The following MLIP variants were observed in gnomAD, a reference collection of about 807,000 sequenced individuals.
MLIP encodes the protein muscular LMNA-interacting protein.
MLIP carries 79 observed loss-of-function variants against 84.8 expected under a neutral mutation model. The ratio of observed to expected loss-of-function variants is 0.93; its 90% confidence interval spans 0.78 to 1.12. The LOEUF is 1.12. MLIP is among the 50% of genes most tolerant of loss of function. MLIP has a pLI of 0.00. For missense variants in MLIP, 1,257 were observed against 1,160.6 expected (o/e 1.08, Z -1.21); for synonymous variants, 504 against 463.0 (o/e 1.09, Z -1.14).
intron 12 of MLIP, among the ~76,000 whole-genome samples, chr6:54,250,927 T>A (rs1782432528): frequency 6.6e-6 from 1 of 152,054 alleles, no homozygotes; most frequent in Admixed American, 6.6e-5. Flanking sequence ...TAACACATTA[T>A]TTTGTGTTTG....
At chr6:54,158,681 T>C (rs1358067736) in intron 5 of MLIP, among the ~76,000 whole-genome samples, 1 of 152,052 alleles carries the variant, frequency 6.6e-6, no homozygotes, top group Admixed American at 6.6e-5. Flanking sequence ...TTTGTGTGTG[T>C]TCAACCCAGT....
chr6:54,091,153 GA>G (rs541206798), intron 1 of MLIP, among the ~76,000 whole-genome samples: 20 of 152,114 alleles, frequency 1.3e-4, no homozygotes, highest in Admixed American at 2.0e-4. Flanking sequence ...ACCCTGGGGG[GA>G]AAAAATCACC....
intron 5 of MLIP, among the ~76,000 whole-genome samples, chr6:54,149,607 G>A (rs779506501): frequency 6.6e-6 from 1 of 152,058 alleles, no homozygotes; most frequent in Non-Finnish European, 1.5e-5. Flanking sequence ...TTATAGCTGA[G>A]TATTCAACTT....
At chr6:54,210,731 A>G (rs1184242032) in intron 11 of MLIP, among the ~76,000 whole-genome samples, 1 of 950 alleles carries the variant, frequency 1.1e-3, no homozygotes, top group African/African-American at 1.2e-3. Flanking sequence ...CAACGGAGGG[A>G]AAAAAAAAAA....
At chr6:54,192,921 C>T (rs1778046858) in intron 10 of MLIP, among the ~76,000 whole-genome samples, 1 of 152,160 alleles carries the variant, frequency 6.6e-6, no homozygotes, top group Non-Finnish European at 1.5e-5. Context: ...TATGGTACCA[C>T]AAGCTTAATG....
chr6:54,052,378 T>C (rs1765425689), intron 1 of MLIP, among the ~76,000 whole-genome samples: 1 of 152,206 alleles, frequency 6.6e-6, no homozygotes, highest in Non-Finnish European at 1.5e-5. Context: ...GTCTACCTGT[T>C]GTTCAACCAT....
intron 12 of MLIP, among the ~76,000 whole-genome samples, chr6:54,232,336 T>C (rs952732386): frequency 6.6e-6 from 1 of 152,170 alleles, no homozygotes; most frequent in Admixed American, 6.6e-5. Flanking sequence ...TCTGGAACTG[T>C]TCAGCAAGGA....
rs3996971 is a variant in MLIP at position 54,168,853 on chromosome 6, C to CTTTTTT, written c.2500-659_2500-654dup. On this transcript the variant is annotated intron_variant, in intron 8 of 13. Coordinates refer to ENST00000502396, the MANE Select transcript of MLIP (RefSeq NM_001281747.2). ...GGTAAGGTCAATTTAGGGTTGAGGT[C>CTTTTTT]TTTTTTTTTTTTTTTTTTTTTGTAA... Among the ~76,000 whole-genome samples, 7 of 118,824 alleles carry CTTTTTT rather than the reference C, an allele frequency of 5.9e-5. 1 individual carries two copies. The highest frequency in any genetic ancestry group is 2.8e-4 in the East Asian group (1 of 3,628). 78.0% of individuals were successfully genotyped at this position (118,824 alleles called of 152,430 possible).
At chr6:54,022,948 A>G (rs1311501182) in intron 1 of MLIP, among the ~76,000 whole-genome samples, 1 of 152,058 alleles carries the variant, frequency 6.6e-6, no homozygotes, top group Non-Finnish European at 1.5e-5. Flanking sequence ...TGGGCGGATC[A>G]CGAGGTCAGG....
At chr6:54,207,585 T>TTTTATTTGC (rs1779125660) in intron 11 of MLIP, among the ~76,000 whole-genome samples, 1 of 152,262 alleles carries the variant, frequency 6.6e-6, no homozygotes, top group South Asian at 2.1e-4. Context: ...TTAAAGAGAT[T>TTTTATTTGC]TTTATTTGCT....
At chr6:54,078,720 C>G (rs1163922009) in intron 1 of MLIP, among the ~76,000 whole-genome samples, 1 of 121,302 alleles carries the variant, frequency 8.2e-6, no homozygotes, top group Non-Finnish European at 1.6e-5. Flanking sequence ...GATGGAGTCT[C>G]GGCTCTTGTC....
At chr6:54,085,367 T>G (rs1409659666) in intron 1 of MLIP, among the ~76,000 whole-genome samples, 1 of 152,222 alleles carries the variant, frequency 6.6e-6, no homozygotes, top group Non-Finnish European at 1.5e-5. Context: ...TGAACCATTT[T>G]TAAGCATCAG....
At chr6:54,126,465 C>A (rs1770927710) in intron 3 of MLIP, among the ~76,000 whole-genome samples, 1 of 151,672 alleles carries the variant, frequency 6.6e-6, no homozygotes, top group South Asian at 2.1e-4. Flanking sequence ...CAGAGCTCAA[C>A]CTCATATATT....
At chr6:54,240,081 A>G (rs539366775) in intron 12 of MLIP, among the ~76,000 whole-genome samples, 1 of 152,330 alleles carries the variant, frequency 6.6e-6, no homozygotes, top group African/African-American at 2.4e-5. Flanking sequence ...CCTATACTTG[A>G]AAAAGTAATT....
intron 3 of MLIP, among the ~76,000 whole-genome samples, chr6:54,129,592 A>C (rs899994269): frequency 6.6e-6 from 1 of 152,166 alleles, no homozygotes; most frequent in Non-Finnish European, 1.5e-5. Flanking sequence ...TTAAGCAAAT[A>C]ATCTATAGCT....
intron 1 of MLIP, among the ~76,000 whole-genome samples, chr6:54,050,570 T>C (rs1052826659): frequency 6.6e-6 from 1 of 152,214 alleles, no homozygotes; most frequent in African/African-American, 2.4e-5. Flanking sequence ...GACATTTAGA[T>C]TGTTTATAAT....
chr6:54,210,054 A>C (rs1779319614), intron 11 of MLIP, among the ~76,000 whole-genome samples: 1 of 151,660 alleles, frequency 6.6e-6, no homozygotes, highest in Non-Finnish European at 1.5e-5. Context: ...AATTAATGCT[A>C]AAGTGTCAGG....
chr6:54,089,415 G>A (rs1179976265), intron 1 of MLIP, among the ~76,000 whole-genome samples: 2 of 152,040 alleles, frequency 1.3e-5, no homozygotes, highest in African/African-American at 4.8e-5. Context: ...TTACTCCCAG[G>A]ATTCAAAGCT....
intron 12 of MLIP, among the ~76,000 whole-genome samples, chr6:54,236,618 TTGTC>T (rs1781382200): frequency 6.6e-6 from 1 of 150,718 alleles, no homozygotes; most frequent in African/African-American, 2.5e-5. Flanking sequence ...AAAAAAAAAA[TTGTC>T]CTTTTTGCAT....
Sources: gnomAD v4.1 joint callset for allele counts (sites outside exome capture counted in the v4.1 genomes callset) on GRCh38, gnomAD v4.1.1 for gene constraint, MANE v1.5 for transcripts, NCBI Gene and HGNC (gene_info 2026-07-23, HGNC 2026-07-21) for gene names.